The following VWC2 variants were observed in gnomAD, a reference collection of about 807,000 sequenced individuals.
The protein encoded by VWC2 is von Willebrand factor C domain containing 2.
In VWC2, 14 loss-of-function variants were observed where a neutral mutation model predicts 29.8. The ratio of observed to expected loss-of-function variants is 0.47; its 90% confidence interval spans 0.31 to 0.74. The LOEUF (loss-of-function observed/expected upper bound fraction) is 0.74. VWC2 is among the 30% of genes least tolerant of loss of function. The probability of loss-of-function intolerance (pLI) is 0.05; values close to 1 mark genes in which losing one functional copy is unlikely to be tolerated. For synonymous variants in VWC2, 213 were observed against 199.0 expected (o/e 1.07, Z -0.59); for missense variants, 457 against 459.8 (o/e 0.99, Z 0.05).
chr7:49,858,446 A>C (rs1790512791), intron 3 of VWC2, among the ~76,000 whole-genome samples: 1 of 151,892 alleles, frequency 6.6e-6, no homozygotes, highest in Admixed American at 6.6e-5. Context: ...TCAGCAAACT[A>C]TCGCAAGGAC....
chr7:49,856,974 C>T (rs1347157217), intron 3 of VWC2, among the ~76,000 whole-genome samples: 1 of 126,884 alleles, frequency 7.9e-6, no homozygotes, highest in Non-Finnish European at 1.6e-5. Flanking sequence ...CGGGCCACTG[C>T]ACTCCAACCT....
chr7:49,840,542 T>C (rs1228582246), intron 3 of VWC2, among the ~76,000 whole-genome samples: 1 of 152,168 alleles, frequency 6.6e-6, no homozygotes, highest in South Asian at 2.1e-4. Flanking sequence ...AGGGGGTGAC[T>C]ATGGATCACT....
intron 3 of VWC2, among the ~76,000 whole-genome samples, chr7:49,807,337 G>A (rs1788902081): frequency 6.6e-6 from 1 of 152,172 alleles, no homozygotes; most frequent in African/African-American, 2.4e-5. Context: ...ACTGGCTTGA[G>A]AAATATCCAA....
chr7:49,783,965 A>G (rs1339709620), intron 2 of VWC2, among the ~76,000 whole-genome samples: 4 of 152,226 alleles, frequency 2.6e-5, no homozygotes, highest in Non-Finnish European at 2.9e-5. Context: ...CACATTTCCA[A>G]GTATCCAAGA....
At chr7:49,900,690 G>A (rs1029787836) in intron 3 of VWC2, among the ~76,000 whole-genome samples, 22 of 151,828 alleles carry the variant, frequency 1.4e-4, no homozygotes, top group African/African-American at 3.1e-4. Context: ...AGGAAGCACC[G>A]TGGACCCAGA....
chr7:49,858,889 T>C (rs1790536452), intron 3 of VWC2, among the ~76,000 whole-genome samples: 1 of 152,218 alleles, frequency 6.6e-6, no homozygotes, highest in Non-Finnish European at 1.5e-5. Context: ...TCCTTAGTAT[T>C]CTCTTCCAGA....
At chr7:49,820,296 T>A (rs773739219) in intron 3 of VWC2, among the ~76,000 whole-genome samples, 1 of 152,074 alleles carries the variant, frequency 6.6e-6, no homozygotes, top group East Asian at 1.9e-4. Flanking sequence ...TGAACGATGA[T>A]TACCGTGGCA....
At chr7:49,874,156 G>C (rs770343398) in intron 3 of VWC2, among the ~76,000 whole-genome samples, 6 of 152,038 alleles carry the variant, frequency 3.9e-5, no homozygotes, top group Non-Finnish European at 8.8e-5. Flanking sequence ...TTTTGAAAAA[G>C]TGAAACTATA....
intron 3 of VWC2, among the ~76,000 whole-genome samples, chr7:49,909,467 C>A (rs1793286587): frequency 6.6e-6 from 1 of 152,118 alleles, no homozygotes; most frequent in Non-Finnish European, 1.5e-5. Flanking sequence ...GCAAGGGAGG[C>A]AGCAAACTGT....
chr7:49,857,252 C>T (rs1450256933), intron 3 of VWC2, among the ~76,000 whole-genome samples: 3 of 152,164 alleles, frequency 2.0e-5, no homozygotes, highest in Non-Finnish European at 4.4e-5. Context: ...TTTAGCTCCT[C>T]TAGCGACTTT....
intron 3 of VWC2, among the ~76,000 whole-genome samples, chr7:49,911,065 C>G (rs1454268225): frequency 6.6e-6 from 1 of 152,154 alleles, no homozygotes; most frequent in African/African-American, 2.4e-5. Flanking sequence ...CTGAAGAGGA[C>G]TGGTTCTTTG....
chr7:49,906,002 C>A (rs143605407), intron 3 of VWC2, among the ~76,000 whole-genome samples: 18 of 152,188 alleles, frequency 1.2e-4, no homozygotes, highest in Non-Finnish European at 2.1e-4. Context: ...CTGTGAATTG[C>A]CCACCCTTTC....
chr7:49,891,497 C>T (rs919625070), intron 3 of VWC2, among the ~76,000 whole-genome samples: 2 of 152,074 alleles, frequency 1.3e-5, no homozygotes, highest in Non-Finnish European at 2.9e-5. Flanking sequence ...TGACAAGATA[C>T]TTCAAAAGAC....
chr7:49,891,501 A>G (rs1290308312), intron 3 of VWC2, among the ~76,000 whole-genome samples: 5 of 152,240 alleles, frequency 3.3e-5, no homozygotes, highest in African/African-American at 1.2e-4. Context: ...AAGATACTTC[A>G]AAAGACACAT....
At chr7:49,832,016 G>A (rs371002065) in intron 3 of VWC2, among the ~76,000 whole-genome samples, 4 of 152,166 alleles carry the variant, frequency 2.6e-5, no homozygotes, top group African/African-American at 7.2e-5. Context: ...GAGGGGCATC[G>A]GCTGCTCAGG....
intron 2 of VWC2, among the ~76,000 whole-genome samples, chr7:49,788,286 T>C (rs1415748575): frequency 6.6e-6 from 1 of 152,032 alleles, no homozygotes; most frequent in African/African-American, 2.4e-5. Context: ...CACTCTACAG[T>C]TGGGGGTGCG....
chr7:49,818,116 G>A (rs1789186898), intron 3 of VWC2, among the ~76,000 whole-genome samples: 1 of 152,166 alleles, frequency 6.6e-6, no homozygotes, highest in African/African-American at 2.4e-5. Flanking sequence ...AATCTTAGGA[G>A]GGAATGGCTA....
At chr7:49,881,631 TG>T (rs1701268464) in intron 3 of VWC2, among the ~76,000 whole-genome samples, 1 of 152,182 alleles carries the variant, frequency 6.6e-6, no homozygotes, top group African/African-American at 2.4e-5. Context: ...ATCTGTGCCT[TG>T]CTTGTCTCAA....
At chr7:49,891,396 T>C (rs188513411) in intron 3 of VWC2, among the ~76,000 whole-genome samples, 16 of 152,348 alleles carry the variant, frequency 1.1e-4, no homozygotes, top group Admixed American at 2.0e-4. Context: ...TTGGAAGTTT[T>C]ATTTGTCATC....
Sources: gnomAD v4.1 joint callset for allele counts (sites outside exome capture counted in the v4.1 genomes callset) on GRCh38, gnomAD v4.1.1 for gene constraint, MANE v1.5 for transcripts, NCBI Gene and HGNC (gene_info 2026-07-23, HGNC 2026-07-21) for gene names.